The following NMNAT3 variants were observed in gnomAD, a reference collection of about 807,000 sequenced individuals.
NMNAT3 encodes the protein nicotinamide nucleotide adenylyltransferase 3.
A neutral mutation model predicts 24.8 loss-of-function variants in NMNAT3; 21 were observed. That is an observed-to-expected ratio of 0.85 (90% confidence interval 0.60 to 1.22). The LOEUF (loss-of-function observed/expected upper bound fraction) is 1.22. Among genes scored for constraint, NMNAT3 ranks in the 50% most tolerant of loss-of-function variants. The pLI, the probability that NMNAT3 is intolerant of heterozygous loss-of-function variation, is 0.00. For synonymous variants in NMNAT3, 136 were observed against 155.2 expected (o/e 0.88, Z 0.92); for missense variants, 387 against 436.6 (o/e 0.89, Z 1.01).
intron 2 of NMNAT3, chr3:139,636,009 C>T (rs2056486130): frequency 6.6e-6 from 1 of 152,176 alleles, no homozygotes; most frequent in Non-Finnish European, 1.5e-5. Context: ...GGACCTACTC[C>T]AGGTTTGACA....
chr3:139,561,405 G>A lies in NMNAT3; in HGVS notation c.659-13C>T. 18 of 1,606,504 alleles carry A rather than the reference G, an allele frequency of 1.1e-5. No homozygotes were observed. Among genetic ancestry groups the A allele is most frequent in the Non-Finnish European group, 1.4e-5 (17 of 1,174,968 alleles). Reference sequence around the variant, plus strand: ...AGCTCAGGCACAGCTGCAAAAACAAGGATGGACCCAGTAAAGTTAGAGAGA... The same window carrying A: ...AGCTCAGGCACAGCTGCAAAAACAAAGATGGACCCAGTAAAGTTAGAGAGA... On this transcript the variant is annotated splice_polypyrimidine_tract_variant and intron_variant, in intron 6 of 6. Transcript: ENST00000643695.
At chr3:139,563,143 C>G (rs1048829567) in intron 6 of NMNAT3, among the ~76,000 whole-genome samples, 1 of 152,190 alleles carries the variant, frequency 6.6e-6, no homozygotes, top group Admixed American at 6.5e-5. Context: ...CCTTTTTAAA[C>G]CAATAAAACA....
chr3:139,640,144 C>A (rs2056650120), intron 1 of NMNAT3, among the ~76,000 whole-genome samples: 1 of 152,116 alleles, frequency 6.6e-6, no homozygotes, highest in South Asian at 2.1e-4. Context: ...CATAAGGGTC[C>A]TAGGAACATG....
intron 3 of NMNAT3, among the ~76,000 whole-genome samples, chr3:139,594,243 T>C (rs1200419675): frequency 4.0e-5 from 6 of 151,896 alleles, no homozygotes; most frequent in East Asian, 1.9e-4. Flanking sequence ...ACACATACAC[T>C]CTCCCAAGAC....
At chr3:139,584,607 A>G (rs1470164579) in intron 3 of NMNAT3, among the ~76,000 whole-genome samples, 1 of 152,158 alleles carries the variant, frequency 6.6e-6, no homozygotes, top group African/African-American at 2.4e-5. Context: ...ATTTTTCTTA[A>G]TTACCAAACA....
intron 3 of NMNAT3, among the ~76,000 whole-genome samples, chr3:139,596,945 TATATATATATATATA>T (rs1341634922): frequency 1.5e-4 from 19 of 129,774 alleles, no homozygotes; most frequent in African/African-American, 5.8e-4. Context: ...TATATATATA[TATATATATATATATA>T]TATATTTTTA....
chr3:139,585,098 C>T (rs295463), intron 3 of NMNAT3, among the ~76,000 whole-genome samples: 50,320 of 151,618 alleles, frequency 0.33, 10,198 homozygotes, highest in South Asian at 0.63. Flanking sequence ...CAATTTGATG[C>T]TGTTGTTGAG....
At chr3:139,574,404 A>G (rs1200330722) in intron 5 of NMNAT3, among the ~76,000 whole-genome samples, 2 of 152,236 alleles carry the variant, frequency 1.3e-5, no homozygotes, top group Non-Finnish European at 2.9e-5. Flanking sequence ...AATACACACA[A>G]AGTGCACTGG....
intron 5 of NMNAT3, among the ~76,000 whole-genome samples, chr3:139,577,004 C>T (rs1939411232): frequency 6.6e-6 from 1 of 151,898 alleles, no homozygotes; most frequent in South Asian, 2.1e-4. Context: ...TTGCAGTGAG[C>T]CGAGATCATG....
intron 6 of NMNAT3, among the ~76,000 whole-genome samples, chr3:139,563,790 A>G (rs781116193): frequency 3.3e-5 from 5 of 152,206 alleles, no homozygotes; most frequent in Non-Finnish European, 5.9e-5. Context: ...CAAAATTTTT[A>G]GACCGAGTGA....
chr3:139,606,926 C>T (rs2054973133), intron 3 of NMNAT3, among the ~76,000 whole-genome samples: 1 of 152,102 alleles, frequency 6.6e-6, no homozygotes, highest in Non-Finnish European at 1.5e-5. Flanking sequence ...ATTCTCCCAT[C>T]ATTTAAGCAT....
intron 3 of NMNAT3, among the ~76,000 whole-genome samples, chr3:139,617,139 A>T (rs879363519): frequency 6.6e-6 from 1 of 152,082 alleles, no homozygotes; most frequent in Non-Finnish European, 1.5e-5. Context: ...CTCTGTCTGC[A>T]TTAGAATGTC....
intron 2 of NMNAT3, among the ~76,000 whole-genome samples, chr3:139,629,503 G>T (rs962390328): frequency 6.6e-6 from 1 of 152,146 alleles, no homozygotes; most frequent in African/African-American, 2.4e-5. Flanking sequence ...TGATGTAATT[G>T]GTTATGCAGT....
At chr3:139,578,785 C>G in intron 5 of NMNAT3, 87 bp downstream of exon 5, 1 of 1,239,534 alleles carries the variant, frequency 8.1e-7, no homozygotes, top group Non-Finnish European at 1.1e-6. Context: ...AACCCAGCCC[C>G]ACAATCTGCC....
chr3:139,594,851 T>C (rs527661174), intron 3 of NMNAT3, among the ~76,000 whole-genome samples: 2 of 152,310 alleles, frequency 1.3e-5, no homozygotes, highest in East Asian at 3.9e-4. Flanking sequence ...CCACAGCCGA[T>C]ATCATACTGA....
intron 3 of NMNAT3, among the ~76,000 whole-genome samples, chr3:139,610,092 G>A (rs1356677845): frequency 6.6e-6 from 1 of 152,172 alleles, no homozygotes; most frequent in Admixed American, 6.5e-5. Context: ...GCAAATATAT[G>A]AGTAATGGTT....
chr3:139,575,383 A>G (rs1297353596), intron 5 of NMNAT3, among the ~76,000 whole-genome samples: 2 of 152,148 alleles, frequency 1.3e-5, no homozygotes, highest in Non-Finnish European at 2.9e-5. Context: ...ACTGAAGTAG[A>G]TTGAGTCTCA....
chr3:139,634,596 A>G lies in NMNAT3; in HGVS notation c.-41+3367T>C, dbSNP rs2056431690. ...ACGGGCACACAATGCTGCTAAAAAC[A>G]AAAGCAAAGCATACCTTCCTTGTCG... is the stretch of plus-strand genomic sequence containing the variant. On this transcript the variant is annotated intron_variant, in intron 2 of 6. Coordinates refer to ENST00000643695, the MANE Select transcript of NMNAT3 (RefSeq NM_001320510.2). 6.6e-6 allele frequency: 1 copy of G among 152,216 alleles called. No individual in the cohort carries two copies. Among genetic ancestry groups the G allele is most frequent in the Non-Finnish European group, 1.5e-5 (1 of 68,046 alleles). 9.4% of individuals were successfully genotyped at this position (152,216 alleles called of 1,614,324 possible). A position where few individuals can be genotyped will look rare whatever the true frequency, so the allele number is the denominator to read the frequency against.
intron 1 of NMNAT3, among the ~76,000 whole-genome samples, chr3:139,648,705 G>A (rs1345805717): frequency 6.6e-6 from 1 of 152,156 alleles, no homozygotes; most frequent in Non-Finnish European, 1.5e-5. Flanking sequence ...GTCCTCTGAA[G>A]GTTTATCTGC....
Sources: gnomAD v4.1 joint callset for allele counts (sites outside exome capture counted in the v4.1 genomes callset) on GRCh38, gnomAD v4.1.1 for gene constraint, MANE v1.5 for transcripts, NCBI Gene and HGNC (gene_info 2026-07-23, HGNC 2026-07-21) for gene names.